Variants in ZMIZ2 observed in about 807,000 individuals in gnomAD.
The protein encoded by ZMIZ2 is zinc finger MIZ domain-containing protein 2.
In ZMIZ2, 26 loss-of-function variants were observed where a neutral mutation model predicts 93.9. That is an observed-to-expected ratio of 0.28 (90% confidence interval 0.20 to 0.38). ZMIZ2 has a LOEUF of 0.38. Ranked by LOEUF, ZMIZ2 falls within the 10% of genes least tolerant of loss-of-function variation. The pLI is 1.00. For synonymous variants in ZMIZ2, 485 were observed against 516.4 expected (o/e 0.94, Z 0.82); for missense variants, 1,023 against 1,235.0 (o/e 0.83, Z 2.57).
In ZMIZ2 at chr7:44,761,737, C is replaced by A; in HGVS notation, c.1428C>A (p.Asp476Glu). The A allele has an allele frequency of 6.2e-7, 1 of 1,614,130 alleles. No homozygotes were observed. The highest frequency in any genetic ancestry group is 1.7e-5 in the Admixed American group (1 of 60,026). Residue 476 changes from aspartate to glutamate, a missense_variant, in exon 11 of 19, where the codon GAC (aspartate) becomes GAA (glutamate). Physicochemically the swap from Asp to Glu is conservative, Grantham distance 45. Around this residue, in one of 3 missense-constraint regions of ZMIZ2, gnomAD observed 656 missense variants for 777.1 expected, o/e 0.84. Transcript: ENST00000309315. This position sits in a 1 kb window ranked among gnomAD's most constrained non-coding sequence, Gnocchi z 5.8. ...ELQFKCYHHE[D>E]RQMNTNWPAS... The stretch of plus-strand genomic sequence containing the variant: ...AATTCAAGTGCTACCACCACGAGGA[C>A]CGGCAGATGAACACCAACTGGCCAG...
chr7:44,765,239 G>A lies in ZMIZ2; in HGVS notation c.1998-96G>A. 1 of 1,567,724 alleles carries A rather than the reference G, an allele frequency of 6.4e-7. No individual in the cohort carries two copies. The highest frequency in any genetic ancestry group is 2.3e-5 in the East Asian group (1 of 44,420). On this transcript the variant is annotated intron_variant, in intron 15 of 18. Coordinates refer to ENST00000309315, the MANE Select transcript of ZMIZ2 (RefSeq NM_031449.4). The surrounding 1 kb of genome is among the most constrained non-coding windows in gnomAD (Gnocchi z 4.1). ...GGTGGAAGCAAGCATTTGAGTGGGGGAACCTGCCTGGAAACAGCCCAGGGC... is the reference window on the plus strand; with the variant it reads ...GGTGGAAGCAAGCATTTGAGTGGGGAAACCTGCCTGGAAACAGCCCAGGGC...
intron 1 of ZMIZ2, among the ~76,000 whole-genome samples, chr7:44,749,194 C>A (rs1047651141): frequency 6.6e-6 from 1 of 152,154 alleles, no homozygotes; most frequent in Non-Finnish European, 1.5e-5. Flanking sequence ...CTGCCGCCCA[C>A]CTGCCGGCAC....
In ZMIZ2 at chr7:44,766,406, TCTC is replaced by T; in HGVS notation, c.2413-14_2413-12del. The T allele has an allele frequency of 6.2e-7, 1 of 1,613,788 alleles. No homozygotes were observed. The highest frequency in any genetic ancestry group is 8.5e-7 in the Non-Finnish European group (1 of 1,179,776). On this transcript the variant is annotated splice_polypyrimidine_tract_variant and intron_variant, in intron 17 of 18. Transcript: ENST00000309315. This position sits in a 1 kb window ranked among gnomAD's most constrained non-coding sequence, Gnocchi z 4.4. ...CCCCTGAGCTGTTTTAACAAATTCT[TCTC>T]TCTGTCTTCAGATGGCACCAGCAGG...
In ZMIZ2 at chr7:44,759,088, A is replaced by AAAG. The variant is rs1313112097; in HGVS notation, c.814-191_814-190insGAA. Among the ~76,000 whole-genome samples, 407 of 144,444 alleles carry AAAG rather than the reference A, an allele frequency of 2.8e-3. 2 individuals are homozygous for AAAG. The highest frequency in any genetic ancestry group is 0.017 in the East Asian group (83 of 5,022). 94.8% of individuals were successfully genotyped at this position (144,444 alleles called of 152,430 possible). On this transcript the variant is annotated intron_variant, in intron 6 of 18. Coordinates refer to ENST00000309315, the MANE Select transcript of ZMIZ2 (RefSeq NM_031449.4). Reference sequence around the variant, plus strand: ...CAGAGTGAGACTGTCTCAAATTAAAAAAAAAAAAAAAAAAAAAAACAGGCT... The same window carrying AAAG: ...CAGAGTGAGACTGTCTCAAATTAAAAAAGAAAAAAAAAAAAAAAAAAACAGGCT...
chr7:44,765,471 C>T lies in ZMIZ2; in HGVS notation c.2134C>T (p.Leu712Phe). 2 of 1,604,082 alleles carry T rather than the reference C, an allele frequency of 1.2e-6. No individual in the cohort carries two copies. Among genetic ancestry groups the T allele is most frequent in the Non-Finnish European group, 8.5e-7 (1 of 1,179,858 alleles). ...CCGCACCGTGAGCCCCGCCCACGTG[C>T]TCATGCCCAGCGTGATGGAGATGAT... Reference protein sequence around the residue: ...RCRTVSPAHVLMPSVMEMIAA... With the variant: ...RCRTVSPAHVFMPSVMEMIAA... Residue 712 changes from leucine to phenylalanine, a missense_variant, in exon 16 of 19, where the codon CTC becomes TTC. Leu to Phe is a conservative substitution (Grantham distance 22). Coordinates refer to ENST00000309315, the MANE Select transcript of ZMIZ2 (RefSeq NM_031449.4). This position sits in a 1 kb window ranked among gnomAD's most constrained non-coding sequence, Gnocchi z 4.1.
intron 1 of ZMIZ2, among the ~76,000 whole-genome samples, chr7:44,753,557 A>G (rs1790341693): frequency 1.3e-5 from 2 of 152,116 alleles, no homozygotes; most frequent in Admixed American, 1.3e-4. Context: ...AGAATTCTTT[A>G]TATGTTCTAG....
At chr7:44,757,794 T>A in intron 5 of ZMIZ2, 54 bp from the exon 6 acceptor site, 1 of 1,511,324 alleles carries the variant, frequency 6.6e-7, no homozygotes. Context: ...ATGCCTATCT[T>A]TTGGAGCCCT....
chr7:44,761,989 G>A lies in ZMIZ2; in HGVS notation c.1596+84G>A. The stretch of plus-strand genomic sequence containing the variant: ...TGGCCCAGCGGTGCCGTGGGGTGGG[G>A]CGGGGTGTGGGCGGGGCCTGGCCCA... On this transcript the variant is annotated intron_variant, in intron 11 of 18. Transcript: ENST00000309315. The surrounding 1 kb of genome is among the most constrained non-coding windows in gnomAD (Gnocchi z 5.8). 1 of 1,386,274 alleles carries A rather than the reference G, an allele frequency of 7.2e-7. No individual in the cohort carries two copies. The highest frequency in any genetic ancestry group is 9.4e-7 in the Non-Finnish European group (1 of 1,059,600). 85.9% of individuals were successfully genotyped at this position (1,386,274 alleles called of 1,614,324 possible).
intron 1 of ZMIZ2, chr7:44,750,861 G>A (rs1259998169): frequency 6.6e-6 from 1 of 152,234 alleles, no homozygotes; most frequent in African/African-American, 2.4e-5. Flanking sequence ...GGCCTTGCAT[G>A]ATCTGGGATC....
At chr7:44,752,482 A>C (rs1248195598) in intron 1 of ZMIZ2, among the ~76,000 whole-genome samples, 2 of 152,092 alleles carry the variant, frequency 1.3e-5, no homozygotes, top group East Asian at 3.9e-4. Context: ...CCTCCTGCCA[A>C]AATTACAGAA....
chr7:44,756,338 G>A, intron 2 of ZMIZ2, 39 bp downstream of exon 2: 2 of 1,613,992 alleles, frequency 1.2e-6, no homozygotes, highest in Non-Finnish European at 1.7e-6. Flanking sequence ...CAGGCCCTGG[G>A]GTTGGGGGTG....
At chr7:44,752,727 G>T (rs56230523) in intron 1 of ZMIZ2, among the ~76,000 whole-genome samples, 13,310 of 152,276 alleles carry the variant, frequency 0.087, 768 homozygotes, top group Admixed American at 0.14. Context: ...GGCTATGGAT[G>T]TACCACCGTT....
Position 44,764,926 on chromosome 7 carries a change from T to C in ZMIZ2, c.1929-15T>C. The stretch of plus-strand genomic sequence containing the variant: ...GTGCAAGGTCTCTGAGCTGTGTCCC[T>C]TTTTTTCCCCACAGCAAGACAGCTT... On this transcript the variant is annotated splice_polypyrimidine_tract_variant and intron_variant, in intron 14 of 18. Transcript: ENST00000309315. 1.9e-6 allele frequency: 3 copies of C among 1,609,340 alleles called. No homozygotes were observed. Among genetic ancestry groups the C allele is most frequent in the Non-Finnish European group, 2.5e-6 (3 of 1,176,634 alleles).
intron 11 of ZMIZ2, among the ~76,000 whole-genome samples, chr7:44,762,507 G>T (rs1178474183): frequency 6.6e-6 from 1 of 152,316 alleles, no homozygotes; most frequent in Admixed American, 6.5e-5. Flanking sequence ...TCTGGGATGT[G>T]GCAGATGTCA....
chr7:44,755,718 A>G (rs553039709), intron 1 of ZMIZ2, among the ~76,000 whole-genome samples: 14 of 152,242 alleles, frequency 9.2e-5, no homozygotes, highest in Middle Eastern at 6.8e-3. Flanking sequence ...CAGGGTAGAC[A>G]AGACCTTTAG....
At chr7:44,762,600 AGTG>A (rs772644569) in intron 11 of ZMIZ2, among the ~76,000 whole-genome samples, 12 of 152,216 alleles carry the variant, frequency 7.9e-5, no homozygotes, top group South Asian at 2.1e-4. Flanking sequence ...TTCATGGAGA[AGTG>A]GTGACTAGGC....
At chr7:44,754,285 A>G (rs1425752287) in intron 1 of ZMIZ2, among the ~76,000 whole-genome samples, 2 of 152,060 alleles carry the variant, frequency 1.3e-5, no homozygotes, top group East Asian at 1.9e-4. Flanking sequence ...AGGTGCCTGG[A>G]GCCTTCTGGA....
chr7:44,767,648 G>T lies in ZMIZ2; in HGVS notation c.*25G>T, dbSNP rs80315700. On this transcript the variant is annotated 3_prime_UTR_variant, in exon 19 of 19. Coordinates refer to ENST00000309315, the MANE Select transcript of ZMIZ2 (RefSeq NM_031449.4). ...ATCCTGTGTTTACCCCAAGCCCGGC[G>T]GGGACACGCTCACAGATGTCACCAC... 4.2e-3 allele frequency: 6,702 copies of T among 1,597,650 alleles called. 249 individuals are homozygous for T. In the African/African-American group the frequency reaches 0.08, roughly 19 times the overall value.
Position 44,757,624 on chromosome 7 carries a change from C to T in ZMIZ2, c.552+63C>T, listed in dbSNP as rs1562729351. 16 of 1,516,346 alleles carry T rather than the reference C, an allele frequency of 1.1e-5. No homozygotes were observed. The South Asian group carries it at 1.8e-4, about 17-fold the overall frequency. The allele number at this position is 1,516,346 out of a possible 1,614,324, so 93.9% of individuals were successfully genotyped here. On this transcript the variant is annotated intron_variant, in intron 5 of 18. Transcript: ENST00000309315. The stretch of plus-strand genomic sequence containing the variant: ...GCCTGAGGGCCTGGGAGGAGGTACT[C>T]AGCCAGACAGTGGGCTCCAGGGACA...
Sources: gnomAD v4.1 joint callset for allele counts (sites outside exome capture counted in the v4.1 genomes callset) on GRCh38, gnomAD v4.1.1 for gene constraint, gnomAD v4.1.1 regional missense constraint, Gnocchi (gnomAD v3.1) non-coding constraint, MANE v1.5 for transcripts, NCBI Gene and HGNC (gene_info 2026-07-23, HGNC 2026-07-21) for gene names.